The following ASB17 variants were observed in gnomAD, a reference collection of about 807,000 sequenced individuals.
ASB17 encodes the protein ankyrin repeat and SOCS box containing 17, also known as ankyrin repeat and SOCS box protein 17.
In ASB17, 26 loss-of-function variants were observed where a neutral mutation model predicts 25.7. The observed-to-expected ratio is 1.01, with a 90% CI of 0.74 to 1.40. The LOEUF (loss-of-function observed/expected upper bound fraction) is 1.40. ASB17 is among the 40% of genes most tolerant of loss of function. ASB17 has a pLI of 0.00. For missense variants in ASB17, 326 were observed against 338.5 expected, an observed-to-expected ratio of 0.96 and a Z score of 0.29; for synonymous variants, 128 against 121.4, an observed-to-expected ratio of 1.05 and a Z score of -0.36.
chr1:75,924,185 G>A (rs963035273), intron 1 of ASB17, among the ~76,000 whole-genome samples: 4 of 152,108 alleles, frequency 2.6e-5, no homozygotes, highest in African/African-American at 4.8e-5. Context: ...CAGCATTGGA[G>A]GATTGCTATA....
intron 1 of ASB17, among the ~76,000 whole-genome samples, chr1:75,929,774 G>A (rs1191332754): frequency 6.6e-6 from 1 of 152,086 alleles, no homozygotes; most frequent in Admixed American, 6.5e-5. Context: ...GATTTGAAAC[G>A]AAAGAGATGA....
intron 1 of ASB17, among the ~76,000 whole-genome samples, chr1:75,923,819 T>C (rs577324348): frequency 1.3e-5 from 2 of 152,332 alleles, no homozygotes; most frequent in Admixed American, 6.5e-5. Context: ...TTGGCCTCTT[T>C]ACATCTGTTT....
intron 2 of ASB17, among the ~76,000 whole-genome samples, chr1:75,920,784 C>T (rs1571012175): frequency 6.6e-6 from 1 of 150,800 alleles, no homozygotes; most frequent in Non-Finnish European, 1.5e-5. Context: ...CTTTTCTTTT[C>T]TTTTTTTGGA....
chr1:75,923,394 T>A (rs1291119266), intron 1 of ASB17, among the ~76,000 whole-genome samples: 1 of 152,190 alleles, frequency 6.6e-6, no homozygotes, highest in Non-Finnish European at 1.5e-5. Context: ...TTTATTTTTT[T>A]AAATGGTATA....
At chr1:75,922,484 G>GTTTA in intron 1 of ASB17, 125 bp from the exon 2 acceptor site, 5 of 172,124 alleles carry the variant, frequency 2.9e-5, no homozygotes, top group Admixed American at 1.2e-4. Context: ...AACTTTATAT[G>GTTTA]TTTCTTTTTT....
intron 1 of ASB17, among the ~76,000 whole-genome samples, chr1:75,930,800 G>A (rs931920191): frequency 4.6e-5 from 7 of 151,538 alleles, no homozygotes; most frequent in Admixed American, 2.6e-4. Flanking sequence ...TTTCTTTCCC[G>A]TGGACCTTCC....
intron 1 of ASB17, among the ~76,000 whole-genome samples, chr1:75,927,189 G>T (rs1653195278): frequency 2.0e-5 from 3 of 152,108 alleles, no homozygotes; most frequent in Admixed American, 2.0e-4. Flanking sequence ...TAAGGCACTG[G>T]ACCTACTAAC....
intron 1 of ASB17, 48 bp from the exon 2 acceptor site, chr1:75,922,407 T>A (rs913925133): frequency 1.5e-6 from 2 of 1,373,252 alleles, no homozygotes; most frequent in Non-Finnish European, 1.9e-6. Context: ...AATTAAGAAA[T>A]GTGACAAACA....
rs572592829 is a variant in ASB17 at position 75,919,542 on chromosome 1, C to T, written c.682-384G>A. ...CTAAAGCTATCCCTCCCCTCTCCCC[C>T]TACCCCACAACAGTACCTAGAGTGT... On this transcript the variant is annotated intron_variant, in intron 2 of 2. Coordinates refer to ENST00000284142, the MANE Select transcript of ASB17 (RefSeq NM_080868.3). Among the ~76,000 whole-genome samples the T allele has an allele frequency of 5.9e-5, 9 of 152,280 alleles. No homozygotes were observed. In the East Asian group the frequency reaches 1.2e-3, roughly 20 times the overall value.
intron 1 of ASB17, among the ~76,000 whole-genome samples, chr1:75,926,387 A>G (rs1653172864): frequency 6.6e-6 from 1 of 152,214 alleles, no homozygotes; most frequent in African/African-American, 2.4e-5. Context: ...TTGAAAGATG[A>G]CATTTGAACA....
intron 1 of ASB17, among the ~76,000 whole-genome samples, chr1:75,924,145 C>T (rs1004887602): frequency 1.6e-4 from 24 of 151,966 alleles, no homozygotes; most frequent in African/African-American, 2.9e-4. Flanking sequence ...TAAAAAGATT[C>T]AAAAGAATGT....
rs1653041141 is a variant in ASB17 at position 75,922,123 on chromosome 1, A to G, written c.638T>C (p.Leu213Pro). ...IHEDAKTCLV[L>P]CSRVLSVISV... ...AATGACAGAAAGCACTCTGGAACAT[A>G]GTACCAAACATGTTTTGGCATCTTC... Residue 213 changes from leucine (L) to proline (P), a missense_variant, in exon 2 of 3, where the codon CTA (leucine) becomes CCA (proline). Leu to Pro is a moderately conservative substitution (Grantham distance 98, BLOSUM62 -3). Coordinates refer to ENST00000284142, the MANE Select transcript of ASB17 (RefSeq NM_080868.3). The G allele has an allele frequency of 1.2e-6, 2 of 1,613,688 alleles. No homozygotes were observed. Among genetic ancestry groups the G allele is most frequent in the Non-Finnish European group, 1.7e-6 (2 of 1,179,832 alleles).
chr1:75,928,684 C>A (rs1197824314), intron 1 of ASB17, among the ~76,000 whole-genome samples: 1 of 152,152 alleles, frequency 6.6e-6, no homozygotes, highest in East Asian at 1.9e-4. Context: ...ATCTTTATAG[C>A]TACTTGGGCA....
intron 1 of ASB17, among the ~76,000 whole-genome samples, chr1:75,930,679 A>G (rs949330878): frequency 1.3e-5 from 2 of 152,144 alleles, no homozygotes; most frequent in Non-Finnish European, 2.9e-5. Context: ...ATGGCACCCT[A>G]TCATGTTCCA....
Position 75,919,156 on chromosome 1 carries a change from T to C in ASB17, c.684A>G (p.Thr228=). The change falls in exon 3 of 3, where the codon ACA becomes ACG. Residue 228 remains threonine, a splice_region_variant and synonymous_variant. Coordinates refer to ENST00000284142, the MANE Select transcript of ASB17 (RefSeq NM_080868.3). ...TTGGATGTCTTCCTAAACTCAGCTG[T>C]GTCTGAAGAAAAGCAAAATATTTTA... ...LSVISVKEIK[T]QLSLGRHPII... is the part of the protein sequence containing the mutation. The C allele has an allele frequency of 1.2e-6, 2 of 1,603,122 alleles. No individual in the cohort carries two copies. The highest frequency in any genetic ancestry group is 2.2e-5 in the East Asian group (1 of 44,580).
intron 2 of ASB17, among the ~76,000 whole-genome samples, 167 bp from the exon 3 acceptor site, chr1:75,919,325 A>AT (rs894463376): frequency 1.8e-4 from 27 of 151,804 alleles, no homozygotes; most frequent in African/African-American, 6.3e-4. Context: ...TTTTATTCCC[A>AT]TTTTTTTCCA....
intron 2 of ASB17, among the ~76,000 whole-genome samples, chr1:75,919,393 T>A (rs1015762616): frequency 1.7e-4 from 26 of 152,060 alleles, no homozygotes; most frequent in Non-Finnish European, 2.8e-4. Context: ...AGTTTTTTTT[T>A]TTATTATTAT....
chr1:75,918,992 A>G lies in ASB17; in HGVS notation c.848T>C (p.Ile283Thr). ...MLPDGIFSLL[I>T]PARLQNYLNL... is the part of the protein sequence containing the mutation. The stretch of plus-strand genomic sequence containing the variant: ...CAGATAGTTTTGTAGACGAGCAGGA[A>G]TTAGAAGTGAAAATATTCCATCTGG... The change falls in exon 3 of 3, where the codon ATT becomes ACT. Residue 283 changes from isoleucine to threonine, a missense_variant. Physicochemically the swap from Ile to Thr is moderately conservative, Grantham distance 89. Coordinates refer to ENST00000284142, the MANE Select transcript of ASB17 (RefSeq NM_080868.3). 11 of 1,613,048 alleles carry G rather than the reference A, an allele frequency of 6.8e-6. No individual in the cohort carries two copies. The highest frequency in any genetic ancestry group is 9.3e-6 in the Non-Finnish European group (11 of 1,179,242).
intron 2 of ASB17, 58 bp from the exon 3 acceptor site, chr1:75,919,216 A>G (rs1652963219): frequency 8.7e-7 from 1 of 1,153,306 alleles, no homozygotes; most frequent in Non-Finnish European, 1.2e-6. Context: ...ATTAGTCCAA[A>G]TTATTAAAAC....
Sources: gnomAD v4.1 joint callset for allele counts (sites outside exome capture counted in the v4.1 genomes callset) on GRCh38, gnomAD v4.1.1 for gene constraint, MANE v1.5 for transcripts, NCBI Gene and HGNC (gene_info 2026-07-23, HGNC 2026-07-21) for gene names.